ATG4B: variants seen among roughly 807,000 people sequenced by gnomAD.
ATG4B encodes cysteine protease ATG4B.
Under a neutral mutation model 56.6 loss-of-function variants are expected in ATG4B, and 29 were observed. The ratio of observed to expected loss-of-function variants is 0.51; its 90% CI spans 0.38 to 0.70. The LOEUF (loss-of-function observed/expected upper bound fraction) is 0.70. Among genes scored for constraint, ATG4B ranks in the 30% least tolerant of loss-of-function variants. The pLI is 0.00. For synonymous variants in ATG4B, 224 were observed against 206.1 expected, an observed-to-expected ratio of 1.09 and a Z score of -0.74; for missense variants, 461 against 515.5, an observed-to-expected ratio of 0.89 and a Z score of 1.02.
chr2:241,643,104 C>T (rs181320816), intron 1 of ATG4B, among the ~76,000 whole-genome samples: 1 of 151,578 alleles, frequency 6.6e-6, no homozygotes, highest in African/African-American at 2.4e-5. Flanking sequence ...AGGCTGTTCT[C>T]GAACTTCTGA....
chr2:241,672,364 G>A lies in ATG4B; in HGVS notation c.*100G>A, dbSNP rs930664392. The A allele has an allele frequency of 1.8e-5, 21 of 1,136,856 alleles. No individual in the cohort carries two copies. Among genetic ancestry groups the A allele is most frequent in the South Asian group, 8.4e-5 (6 of 71,436 alleles). 70.4% of individuals were successfully genotyped at this position (1,136,856 alleles called of 1,614,324 possible). A position where few individuals can be genotyped will look rare whatever the true frequency, so the allele number is the denominator to read the frequency against. ...GCTCGCCTGCCGAGGGCTGCGCCCC[G>A]TGCTGCCTCCCCCCAGAGGGCCACC... On this transcript the variant is annotated 3_prime_UTR_variant, in exon 13 of 13. Transcript: ENST00000404914.
chr2:241,659,236 A>G (rs754602703), intron 7 of ATG4B, 49 bp downstream of exon 7: 4 of 1,528,416 alleles, frequency 2.6e-6, no homozygotes, highest in Middle Eastern at 3.4e-4. Context: ...ATCACGGGCA[A>G]CATACACACT....
rs1183927185 is a variant in ATG4B at position 241,642,871 on chromosome 2, CCTT to C, written c.10+5148_10+5150del. 6.4e-4 allele frequency among the ~76,000 whole-genome samples: 63 copies of C among 98,428 alleles called. 11 individuals are homozygous for C. Among genetic ancestry groups the C allele is most frequent in the African/African-American group, 2.3e-3 (54 of 23,504 alleles). The allele number at this position is 98,428 out of a possible 152,430, so 64.6% of individuals were successfully genotyped here. ...CTTAAGGTGTACAGCACCTCTCCGT[CCTT>C]TTTTTTTTTTTTTTTTTTTTTTTTA... On this transcript the variant is annotated intron_variant, in intron 1 of 12. Coordinates refer to ENST00000404914, the MANE Select transcript of ATG4B (RefSeq NM_013325.5).
chr2:241,662,477 T>A (rs1400862160), intron 7 of ATG4B, among the ~76,000 whole-genome samples: 1 of 152,320 alleles, frequency 6.6e-6, no homozygotes, highest in African/African-American at 2.4e-5. Flanking sequence ...CGAGAAAATT[T>A]CAGGTGGTGG....
intron 6 of ATG4B, among the ~76,000 whole-genome samples, chr2:241,656,993 C>T (rs541997704): frequency 6.4e-5 from 8 of 124,204 alleles, no homozygotes; most frequent in Admixed American, 5.1e-4. Flanking sequence ...TTTTTTGAGA[C>T]AGTCTAGCTC....
intron 7 of ATG4B, among the ~76,000 whole-genome samples, chr2:241,666,090 CCTGGAAT>C (rs1169463498): frequency 6.6e-6 from 1 of 152,230 alleles, no homozygotes; most frequent in Non-Finnish European, 1.5e-5. Context: ...CCTGCCTGGC[CCTGGAAT>C]CAGCCTGGCT....
intron 6 of ATG4B, 63 bp downstream of exon 6, chr2:241,655,406 C>G: frequency 6.7e-7 from 1 of 1,492,086 alleles, no homozygotes; most frequent in Middle Eastern, 1.7e-4. Context: ...GGGTTAAATT[C>G]TCCTTGAGTC....
At position 241,651,317 on chromosome 2, in the gene ATG4B, A is replaced by T; in HGVS notation, c.166A>T (p.Lys56Ter). The T allele has an allele frequency of 6.2e-7, 1 of 1,600,464 alleles. No homozygotes were observed. Among genetic ancestry groups the T allele is most frequent in the Non-Finnish European group, 8.5e-7 (1 of 1,172,936 alleles). Residue 56 changes from lysine (K) to a stop codon, truncating the protein, a stop_gained, in exon 3 of 13, where the codon AAA (lysine) becomes TAA (stop). Transcript: ENST00000404914. LOFTEE classifies it high-confidence loss of function. The surrounding 1 kb of genome is among the most constrained non-coding windows in gnomAD (Gnocchi z 4.1). ...VASRLWFTYR[K>*]NFPAIGGTGP... ...ATCTAGACTTTGGTTTACATACAGGAAAAACTTTCCAGCCATTGGTAAGTA... is the reference window on the plus strand; with the variant it reads ...ATCTAGACTTTGGTTTACATACAGGTAAAACTTTCCAGCCATTGGTAAGTA...
At chr2:241,666,476 ATGAAAAAAT>A in intron 7 of ATG4B, 160 bp from the exon 8 acceptor site, 1 of 691,730 alleles carries the variant, frequency 1.4e-6, no homozygotes, top group Non-Finnish European at 2.5e-6. Flanking sequence ...TGGCAAGATT[ATGAAAAAAT>A]TTTCTTACGC....
intron 12 of ATG4B, chr2:241,671,768 T>G (rs1182678702): frequency 3.9e-6 from 5 of 1,287,368 alleles, no homozygotes; most frequent in Non-Finnish European, 4.0e-6. Context: ...ATGGGTGGCG[T>G]AGACCCCTCG....
intron 8 of ATG4B, 89 bp downstream of exon 8, chr2:241,666,927 A>C: frequency 7.0e-7 from 1 of 1,428,480 alleles, no homozygotes; most frequent in Non-Finnish European, 9.4e-7. Context: ...TCACGTGGCC[A>C]TTTGTGCAGC....
At chr2:241,662,469 A>G (rs1291557005) in intron 7 of ATG4B, among the ~76,000 whole-genome samples, 1 of 152,278 alleles carries the variant, frequency 6.6e-6, no homozygotes, top group Non-Finnish European at 1.5e-5. Context: ...AGAGAACACG[A>G]GAAAATTTCA....
At chr2:241,646,296 C>A (rs1387362774) in intron 1 of ATG4B, among the ~76,000 whole-genome samples, 2 of 152,170 alleles carry the variant, frequency 1.3e-5, no homozygotes, top group Non-Finnish European at 2.9e-5. Flanking sequence ...TCCTTTTCTT[C>A]CTTATCTATA....
chr2:241,667,230 G>C (rs1240843190), intron 8 of ATG4B, among the ~76,000 whole-genome samples: 1 of 152,138 alleles, frequency 6.6e-6, no homozygotes, highest in Non-Finnish European at 1.5e-5. Flanking sequence ...GGGTTGGCCT[G>C]TGAGGAAGGG....
chr2:241,667,921 A>G (rs2068830386), intron 8 of ATG4B: 1 of 530,756 alleles, frequency 1.9e-6, no homozygotes, highest in South Asian at 2.3e-5. Flanking sequence ...CACCTCTGAC[A>G]TGAAGCTTCC....
intron 1 of ATG4B, among the ~76,000 whole-genome samples, chr2:241,647,889 G>A (rs372705933): frequency 6.6e-6 from 1 of 152,026 alleles, no homozygotes; most frequent in East Asian, 1.9e-4. Flanking sequence ...CGAGGTGGGT[G>A]GATCACTTGA....
intron 7 of ATG4B, chr2:241,659,431 G>A (rs983737445): frequency 1.7e-6 from 1 of 580,412 alleles, no homozygotes; most frequent in Non-Finnish European, 3.4e-6. Flanking sequence ...CTCACGTCGT[G>A]TTTTGTGTCT....
chr2:241,671,997 G>A, intron 12 of ATG4B, 194 bp from the exon 13 acceptor site: 2 of 1,421,152 alleles, frequency 1.4e-6, no homozygotes, highest in East Asian at 2.6e-5. Context: ...ACCCTGCCCT[G>A]CTCCTCTTCT....
chr2:241,644,671 C>T (rs762034381), intron 1 of ATG4B, among the ~76,000 whole-genome samples: 22 of 152,062 alleles, frequency 1.4e-4, no homozygotes, highest in African/African-American at 3.4e-4. Flanking sequence ...AAGTGTCGGC[C>T]GGTTGCGGTG....
Sources: allele counts gnomAD v4.1 joint callset (sites outside exome capture counted in the v4.1 genomes callset), GRCh38; gene constraint gnomAD v4.1.1; non-coding constraint Gnocchi (gnomAD v3.1); transcripts MANE v1.5; gene names NCBI Gene and HGNC (gene_info 2026-07-23, HGNC 2026-07-21).